Variants in ACACA observed in about 807,000 individuals in gnomAD.
ACACA encodes the protein acetyl-CoA carboxylase 1.
ACACA carries 103 observed loss-of-function variants against 296.1 expected under a neutral mutation model. That is an observed-to-expected ratio of 0.35 (90% CI 0.30 to 0.41). ACACA has a LOEUF of 0.41. Ranked by LOEUF, ACACA falls within the 10% of genes least tolerant of loss-of-function variation. The pLI is 1.00. For synonymous variants in ACACA, 953 were observed against 1,038.6 expected (o/e 0.92, Z 1.58); for missense variants, 1,554 against 2,989.7 (o/e 0.52, Z 11.20).
At position 37,256,054 on chromosome 17, in the gene ACACA, G is replaced by T. The variant is rs974524513; in HGVS notation, c.1826+1649C>A. ...GAGCCACCGTGCCCAGGCAAAATTA[G>T]CTAACTTTTAACAACTAGAATGTAC... is the stretch of plus-strand genomic sequence containing the variant. On this transcript the variant is annotated intron_variant, in intron 14 of 55. Transcript: ENST00000616317. 9.2e-5 allele frequency among the ~76,000 whole-genome samples: 14 copies of T among 152,182 alleles called. No individual in the cohort carries two copies. In the South Asian group the frequency reaches 2.9e-3, roughly 32 times the overall value.
chr17:37,192,002 A>G (rs1259143239), intron 37 of ACACA, 88 bp downstream of exon 37: 2 of 1,321,006 alleles, frequency 1.5e-6, no homozygotes, highest in Non-Finnish European at 2.2e-6. Flanking sequence ...GTTCTCTCTC[A>G]GCAGAAGCAT....
In ACACA at chr17:37,248,113, C is replaced by T. The variant is rs747456606; in HGVS notation, c.2207G>A (p.Gly736Asp). Residue 736 changes from glycine to aspartate, a missense_variant, in exon 18 of 56, where the codon GGC (glycine) becomes GAC (aspartate). This residue lies in a region of ACACA where 316 missense variants were observed against 540.9 expected (regional missense o/e 0.58). Transcript: ENST00000616317. ...SPNSYVVIMNGSCVEVDVHRL... is the reference protein window; with the variant it reads ...SPNSYVVIMNDSCVEVDVHRL... Reference sequence around the variant, plus strand: ...ATGTACATCTACTTCTACACATGAGCCATTCATGATCACCACATAGGAGTT... The same window carrying T: ...ATGTACATCTACTTCTACACATGAGTCATTCATGATCACCACATAGGAGTT... 1 of 1,614,030 alleles carries T rather than the reference C, an allele frequency of 6.2e-7. No homozygotes were observed. Among genetic ancestry groups the T allele is most frequent in the Non-Finnish European group, 8.5e-7 (1 of 1,180,026 alleles).
At chr17:37,220,049 AG>A (rs2079213019) in intron 29 of ACACA, among the ~76,000 whole-genome samples, 1 of 152,206 alleles carries the variant, frequency 6.6e-6, no homozygotes, top group African/African-American at 2.4e-5. Flanking sequence ...GGGAGATTAC[AG>A]GATTACTGTT....
intron 41 of ACACA, among the ~76,000 whole-genome samples, chr17:37,176,363 C>A (rs1322038386): frequency 6.6e-6 from 1 of 152,208 alleles, no homozygotes; most frequent in Non-Finnish European, 1.5e-5. Flanking sequence ...CTACATAGCA[C>A]CAATGCATTT....
intron 54 of ACACA, among the ~76,000 whole-genome samples, chr17:37,095,675 A>C (rs1423592038): frequency 6.6e-6 from 1 of 152,248 alleles, no homozygotes; most frequent in Non-Finnish European, 1.5e-5. Context: ...TCACATAGCA[A>C]TGAGAAAGAC....
rs150525429 is a variant in ACACA, at chr17:37,115,176, T to C, written c.6275-1911A>G. Among the ~76,000 whole-genome samples the C allele has an allele frequency of 1.2e-3, 181 of 145,740 alleles. 1 individual carries two copies. Among genetic ancestry groups the C allele is most frequent in the African/African-American group, 4.2e-3 (175 of 41,242 alleles). On this transcript the variant is annotated intron_variant, in intron 50 of 55. Transcript: ENST00000616317. ...GGGAGAAAAGCTAAGACCAAAAAAA[T>C]TTACTGCTAATTACACAACTGCTGT...
chr17:37,094,866 T>G (rs1176890652), intron 54 of ACACA, among the ~76,000 whole-genome samples: 4 of 152,262 alleles, frequency 2.6e-5, no homozygotes, highest in Non-Finnish European at 4.4e-5. Context: ...ATGGCCTCAG[T>G]GCTCAGCATG....
At chr17:37,278,195 T>C (rs1211521613) in intron 5 of ACACA, among the ~76,000 whole-genome samples, 190 bp from the exon 6 acceptor site, 2 of 152,230 alleles carry the variant, frequency 1.3e-5, no homozygotes, top group African/African-American at 4.8e-5. Context: ...TAATACGAGT[T>C]AATCCCATAT....
chr17:37,393,809 C>A (rs1436030271), intron 1 of ACACA, among the ~76,000 whole-genome samples: 12 of 149,142 alleles, frequency 8.0e-5, no homozygotes, highest in Admixed American at 2.0e-4. Context: ...CAGAGCGAGA[C>A]TGTCTCAAAG....
Position 37,245,218 on chromosome 17 carries a change from T to C in ACACA, c.2461-4A>G, listed in dbSNP as rs755100361. 4.3e-6 allele frequency: 7 copies of C among 1,613,524 alleles called. No individual in the cohort carries two copies. The highest frequency in any genetic ancestry group is 5.9e-6 in the Non-Finnish European group (7 of 1,179,704). ...AGGTCATTACCATCTTCATTACCTA[T>C]AGTGAAAAATAAACTAGACTCAGAT... On this transcript the variant is annotated splice_polypyrimidine_tract_variant and splice_region_variant and intron_variant, in intron 19 of 55. Coordinates refer to ENST00000616317, the MANE Select transcript of ACACA (RefSeq NM_198834.3).
intron 1 of ACACA, among the ~76,000 whole-genome samples, chr17:37,350,851 G>A (rs1313565610): frequency 6.6e-6 from 1 of 152,028 alleles, no homozygotes; most frequent in Non-Finnish European, 1.5e-5. Context: ...TGTTGAACCA[G>A]GCCAGGTGCA....
At chr17:37,267,089 G>C (rs140761800) in intron 10 of ACACA, among the ~76,000 whole-genome samples, 1 of 152,274 alleles carries the variant, frequency 6.6e-6, no homozygotes, top group South Asian at 2.1e-4. Context: ...ATCAATTTCT[G>C]TGTCAATTAT....
intron 29 of ACACA, among the ~76,000 whole-genome samples, chr17:37,217,750 A>C (rs533541917): frequency 1.4e-5 from 2 of 144,480 alleles, no homozygotes; most frequent in African/African-American, 2.6e-5. Context: ...AAAAAAAAAA[A>C]AAAAAAAAAA....
intron 52 of ACACA, among the ~76,000 whole-genome samples, chr17:37,107,965 C>CAG (rs960769118): frequency 6.6e-6 from 1 of 152,194 alleles, no homozygotes; most frequent in African/African-American, 2.4e-5. Context: ...AGAAGGATGT[C>CAG]AGAGAGAGAC....
At chr17:37,108,815 A>G (rs1208095032) in intron 52 of ACACA, among the ~76,000 whole-genome samples, 1 of 152,212 alleles carries the variant, frequency 6.6e-6, no homozygotes, top group Non-Finnish European at 1.5e-5. Flanking sequence ...CCACTCCTAC[A>G]GGCTTTCTCC....
chr17:37,247,887 ATT>A (rs34102178), intron 18 of ACACA, 122 bp downstream of exon 18: 5,562 of 1,000,028 alleles, frequency 5.6e-3, no homozygotes, highest in Middle Eastern at 7.3e-3. Flanking sequence ...TGCATGTACT[ATT>A]TTTTTTTTTT....
At chr17:37,375,877 G>C (rs2049981721) in intron 1 of ACACA, 2 of 482,628 alleles carry the variant, frequency 4.1e-6, no homozygotes, top group South Asian at 8.7e-5. Flanking sequence ...GAAGAAGTCT[G>C]AGTGAATTAT....
chr17:37,172,236 A>G (rs1374330711), intron 41 of ACACA, among the ~76,000 whole-genome samples: 3 of 152,206 alleles, frequency 2.0e-5, no homozygotes, highest in African/African-American at 7.2e-5. Flanking sequence ...CTCCACAAGT[A>G]CTACTTTAGT....
intron 1 of ACACA, among the ~76,000 whole-genome samples, chr17:37,359,612 C>T (rs980966786): frequency 3.9e-5 from 6 of 152,166 alleles, no homozygotes; most frequent in African/African-American, 1.4e-4. Context: ...CAGGACTAGC[C>T]GGCCTGTAGA....
Sources: gnomAD v4.1 joint callset for allele counts (sites outside exome capture counted in the v4.1 genomes callset) on GRCh38, gnomAD v4.1.1 for gene constraint, gnomAD v4.1.1 regional missense constraint, MANE v1.5 for transcripts, NCBI Gene and HGNC (gene_info 2026-07-23, HGNC 2026-07-21) for gene names.